TSPAN5: variants seen among roughly 807,000 people sequenced by gnomAD.
TSPAN5 encodes tetraspanin 5, also known as tetraspanin-5.
Under a neutral mutation model 37.1 loss-of-function variants are expected in TSPAN5, and 10 were observed. The ratio of observed to expected loss-of-function variants is 0.27; its 90% CI spans 0.17 to 0.46. The LOEUF is 0.46. Ranked by LOEUF, TSPAN5 falls within the 20% of genes least tolerant of loss-of-function variation. The pLI, the probability that TSPAN5 is intolerant of heterozygous loss-of-function variation, is 1.00. For synonymous variants in TSPAN5, 110 were observed against 118.9 expected, an observed-to-expected ratio of 0.93 and a Z score of 0.48; for missense variants, 195 against 326.6, an observed-to-expected ratio of 0.60 and a Z score of 3.11.
chr4:98,617,342 C>T (rs750228434), intron 1 of TSPAN5, among the ~76,000 whole-genome samples: 10 of 152,092 alleles, frequency 6.6e-5, no homozygotes, highest in Non-Finnish European at 1.2e-4. Context: ...TTAAGTAATT[C>T]GCCCAAGGAC....
intron 2 of TSPAN5, among the ~76,000 whole-genome samples, chr4:98,507,440 T>C (rs941232565): frequency 8.5e-5 from 13 of 152,362 alleles, no homozygotes; most frequent in African/African-American, 2.6e-4. Flanking sequence ...TTCCAAGGTA[T>C]ATTCTCTGTT....
chr4:98,608,842 C>T (rs1033534140), intron 1 of TSPAN5, among the ~76,000 whole-genome samples: 3 of 152,138 alleles, frequency 2.0e-5, no homozygotes, highest in Admixed American at 2.0e-4. Flanking sequence ...CAACCTTATA[C>T]TCGCCCTCAG....
chr4:98,589,777 C>T (rs1215569236), intron 1 of TSPAN5, among the ~76,000 whole-genome samples: 7 of 152,058 alleles, frequency 4.6e-5, no homozygotes, highest in African/African-American at 7.2e-5. Flanking sequence ...CTGACCAACG[C>T]GTAAAATGTT....
At chr4:98,568,237 A>C (rs1755050656) in intron 1 of TSPAN5, among the ~76,000 whole-genome samples, 1 of 152,128 alleles carries the variant, frequency 6.6e-6, no homozygotes, top group South Asian at 2.1e-4. Context: ...TTCCACAGGG[A>C]AACAAGTAGA....
At chr4:98,487,062 G>A (rs1752979226) in intron 2 of TSPAN5, among the ~76,000 whole-genome samples, 178 bp from the exon 3 acceptor site, 1 of 137,260 alleles carries the variant, frequency 7.3e-6, no homozygotes, top group Non-Finnish European at 1.5e-5. Flanking sequence ...AAGAGAAAGA[G>A]AAAGAAAGAG....
At chr4:98,643,200 C>A (rs1334253599) in intron 1 of TSPAN5, among the ~76,000 whole-genome samples, 1 of 151,938 alleles carries the variant, frequency 6.6e-6, no homozygotes, top group East Asian at 1.9e-4. Context: ...ACACAAATAC[C>A]ATCGTGTTAT....
intron 1 of TSPAN5, among the ~76,000 whole-genome samples, chr4:98,570,795 C>T (rs1755100816): frequency 6.6e-6 from 1 of 152,060 alleles, no homozygotes; most frequent in East Asian, 1.9e-4. Flanking sequence ...TTTGCCATCT[C>T]TCCTCTTTCA....
chr4:98,481,185 C>T (rs556354311), intron 4 of TSPAN5, among the ~76,000 whole-genome samples: 6 of 152,252 alleles, frequency 3.9e-5, no homozygotes, highest in Non-Finnish European at 8.8e-5. Flanking sequence ...ACATGTATGT[C>T]TCATTAGTGT....
Position 98,539,467 on chromosome 4 carries a change from T to C in TSPAN5, c.82-31739A>G, listed in dbSNP as rs77214212. ...CTCCCCTCTTCCCCAAACCACAATT[T>C]TGACATGGCAGACTTGGAATAAAAT... On this transcript the variant is annotated intron_variant, in intron 1 of 7. Transcript: ENST00000305798. 4.6e-5 allele frequency among the ~76,000 whole-genome samples: 7 copies of C among 152,272 alleles called. No individual in the cohort carries two copies. In the East Asian group the frequency reaches 1.4e-3, roughly 29 times the overall value.
At chr4:98,546,834 C>G (rs560599880) in intron 1 of TSPAN5, among the ~76,000 whole-genome samples, 2 of 152,230 alleles carry the variant, frequency 1.3e-5, no homozygotes, top group South Asian at 4.1e-4. Context: ...TTTTCCTTAA[C>G]TAAATATTAG....
intron 1 of TSPAN5, among the ~76,000 whole-genome samples, chr4:98,518,588 T>C (rs1036005495): frequency 3.9e-5 from 6 of 152,342 alleles, no homozygotes; most frequent in African/African-American, 1.2e-4. Context: ...CTATCTCCTG[T>C]AGAGGCAACA....
intron 1 of TSPAN5, among the ~76,000 whole-genome samples, chr4:98,554,794 A>G (rs887188043): frequency 6.6e-6 from 1 of 152,252 alleles, no homozygotes; most frequent in African/African-American, 2.4e-5. Flanking sequence ...CACAAATATT[A>G]TAAGAACCTT....
At chr4:98,637,772 A>G (rs1374835565) in intron 1 of TSPAN5, among the ~76,000 whole-genome samples, 1 of 152,182 alleles carries the variant, frequency 6.6e-6, no homozygotes, top group African/African-American at 2.4e-5. Flanking sequence ...TTAATTATAA[A>G]TGTTTCTCTA....
intron 1 of TSPAN5, among the ~76,000 whole-genome samples, chr4:98,560,439 T>C (rs1171882200): frequency 1.3e-5 from 2 of 152,250 alleles, no homozygotes; most frequent in African/African-American, 4.8e-5. Flanking sequence ...TAATTGCTTC[T>C]AAATGCTAAG....
At chr4:98,553,531 T>C (rs553183922) in intron 1 of TSPAN5, among the ~76,000 whole-genome samples, 3 of 152,336 alleles carry the variant, frequency 2.0e-5, no homozygotes, top group East Asian at 1.9e-4. Context: ...GATAATGATA[T>C]GTTTGTCCAT....
intron 7 of TSPAN5, 32 bp from the exon 8 acceptor site, chr4:98,472,619 T>C (rs1238346953): frequency 6.3e-7 from 1 of 1,581,854 alleles, no homozygotes; most frequent in South Asian, 1.1e-5. Context: ...AGTGAAACAG[T>C]GACACTTGTA....
At chr4:98,622,071 T>C (rs919627818) in intron 1 of TSPAN5, among the ~76,000 whole-genome samples, 3 of 152,180 alleles carry the variant, frequency 2.0e-5, no homozygotes, top group African/African-American at 7.2e-5. Context: ...ATGCTGCTAT[T>C]GAACATTATG....
intron 1 of TSPAN5, among the ~76,000 whole-genome samples, chr4:98,586,782 A>G (rs1237155844): frequency 7.9e-5 from 12 of 152,252 alleles, no homozygotes. Flanking sequence ...CAGTTCTCTT[A>G]CAGATAACAC....
At chr4:98,530,536 G>A (rs1275039174) in intron 1 of TSPAN5, among the ~76,000 whole-genome samples, 1 of 152,166 alleles carries the variant, frequency 6.6e-6, no homozygotes, top group Non-Finnish European at 1.5e-5. Flanking sequence ...CTGCACTTCG[G>A]CCATGAAAGT....
Sources: allele counts gnomAD v4.1 joint callset (sites outside exome capture counted in the v4.1 genomes callset), GRCh38; gene constraint gnomAD v4.1.1; transcripts MANE v1.5; gene names NCBI Gene and HGNC (gene_info 2026-07-23, HGNC 2026-07-21).